The following MAGOHB variants were observed in gnomAD, a reference collection of about 807,000 sequenced individuals.
MAGOHB encodes mago homolog B, exon junction complex subunit, also known as protein mago nashi homolog 2.
In MAGOHB, 15 loss-of-function variants were observed where a neutral mutation model predicts 20.9. That is an observed-to-expected ratio of 0.72 (90% confidence interval 0.48 to 1.11). MAGOHB has a LOEUF of 1.11. Among genes scored for constraint, MAGOHB ranks in the 50% least tolerant of loss-of-function variants. The pLI is 0.00. For missense variants in MAGOHB, 162 were observed against 177.6 expected (o/e 0.91, Z 0.50); for synonymous variants, 50 against 57.9 (o/e 0.86, Z 0.62).
chr12:10,611,503 T>C (rs1036329349), intron 1 of MAGOHB, among the ~76,000 whole-genome samples: 2 of 151,340 alleles, frequency 1.3e-5, no homozygotes, highest in African/African-American at 4.9e-5. Context: ...TCCCAGCAAT[T>C]TGGGAGGCTG....
At chr12:10,612,815 CTCA>C in intron 1 of MAGOHB, 1 of 1,288,366 alleles carries the variant, frequency 7.8e-7, no homozygotes. Flanking sequence ...GCAGTTTCAC[CTCA>C]TCCTCTGCTC....
intron 1 of MAGOHB, chr12:10,612,883 G>A (rs1281766739): frequency 7.8e-7 from 1 of 1,289,066 alleles, no homozygotes; most frequent in Admixed American, 2.3e-5. Flanking sequence ...CTCATTTCGA[G>A]ACTCATCTCA....
intron 1 of MAGOHB, 61 bp downstream of exon 1, chr12:10,613,378 C>T: frequency 6.8e-7 from 1 of 1,462,814 alleles, no homozygotes; most frequent in South Asian, 1.1e-5. Flanking sequence ...CCCTCCACAC[C>T]ACCCGGCCTC....
At chr12:10,608,592 GAACT>G (rs1865669817) in intron 3 of MAGOHB, 1 of 100,788 alleles carries the variant, frequency 9.9e-6, no homozygotes, top group African/African-American at 3.8e-5. Flanking sequence ...CTAAAATTAA[GAACT>G]AGTAAAAAAA....
rs370232338 is a variant in MAGOHB, at chr12:10,607,028, C to A, written c.348-654G>T. Among the ~76,000 whole-genome samples the A allele has an allele frequency of 6.6e-5, 10 of 152,128 alleles. No individual in the cohort carries two copies. In the South Asian group the frequency reaches 1.5e-3, roughly 22 times the overall value. ...CAAAAACCATTACCAATTTATAATC[C>A]CAGTAGGGTATCAATGCCACACCCT... On this transcript the variant is annotated intron_variant, in intron 4 of 4. Transcript: ENST00000320756.
At chr12:10,602,120 A>C (rs1181572186), downstream of MAGOHB, among the ~76,000 whole-genome samples, 4 of 152,234 alleles carry the variant, frequency 2.6e-5, no homozygotes, top group Admixed American at 6.5e-5. Flanking sequence ...GCTGGGGAGA[A>C]GGTGAATAGT....
In MAGOHB at chr12:10,611,751, A is replaced by C. The variant is rs867393031; in HGVS notation, c.95-1071T>G. ...CGACAGAGCAAGACTCTGTCTCAAA[A>C]AAAAAAAAAAAAAAAAAAAAAAAAG... is the stretch of plus-strand genomic sequence containing the variant. On this transcript the variant is annotated intron_variant, in intron 1 of 4. Coordinates refer to ENST00000320756, the MANE Select transcript of MAGOHB (RefSeq NM_018048.5). Among the ~76,000 whole-genome samples, 233 of 142,626 alleles carry C rather than the reference A, an allele frequency of 1.6e-3. 2 individuals are homozygous for C. The highest frequency in any genetic ancestry group is 5.7e-3 in the African/African-American group (220 of 38,298). 93.6% of individuals were successfully genotyped at this position (142,626 alleles called of 152,430 possible). A position where few individuals can be genotyped will look rare whatever the true frequency, so the allele number is the denominator to read the frequency against.
At chr12:10,613,079 G>A in intron 1 of MAGOHB, 2 of 615,862 alleles carry the variant, frequency 3.2e-6, no homozygotes, top group South Asian at 1.9e-5. Flanking sequence ...CAGCCTAAAT[G>A]AAAAAAAGGT....
chr12:10,609,886 T>A lies in MAGOHB; in HGVS notation c.209A>T (p.Glu70Val). Residue 70 changes from glutamate to valine, a missense_variant, in exon 3 of 5, where the codon GAA (glutamate) becomes GTA (valine). Glu to Val is a moderately radical substitution (Grantham distance 121). Transcript: ENST00000320756. ...EELKRIIDDS[E>V]ITKEDDALWP... is the part of the protein sequence containing the mutation. ...CAAAGCATCATCTTCTTTTGTAATT[T>A]CACTGTCATCAATAATTCTCTTCAG... The A allele has an allele frequency of 6.2e-7, 1 of 1,613,150 alleles. No individual in the cohort carries two copies. The highest frequency in any genetic ancestry group is 8.5e-7 in the Non-Finnish European group (1 of 1,179,616).
At chr12:10,608,133 AC>A in intron 3 of MAGOHB, 197 bp from the exon 4 acceptor site, 1 of 411,824 alleles carries the variant, frequency 2.4e-6, no homozygotes. Context: ...CACGCGCACT[AC>A]CCCCAAGTTT....
chr12:10,613,548 G>A lies in MAGOHB; in HGVS notation c.-16C>T. The A allele has an allele frequency of 1.9e-6, 3 of 1,596,010 alleles. No individual in the cohort carries two copies. The highest frequency in any genetic ancestry group is 2.2e-5 in the East Asian group (1 of 44,764). On this transcript the variant is annotated 5_prime_UTR_variant, in exon 1 of 5. Coordinates refer to ENST00000320756, the MANE Select transcript of MAGOHB (RefSeq NM_018048.5). The stretch of plus-strand genomic sequence containing the variant: ...CCACAGCCATTTTTGTACCCGGGAA[G>A]CCCGCCGAAAACGCAGCCAACGTGT...
rs1170820953 is a variant in MAGOHB, at chr12:10,612,727, T to C, written c.94+712A>G. 9 of 1,162,708 alleles carry C rather than the reference T, an allele frequency of 7.7e-6. No homozygotes were observed. The Admixed American group carries it at 1.9e-4, about 25-fold the overall frequency. The allele number at this position is 1,162,708 out of a possible 1,614,324, so 72.0% of individuals were successfully genotyped here. On this transcript the variant is annotated intron_variant, in intron 1 of 4. Coordinates refer to ENST00000320756, the MANE Select transcript of MAGOHB (RefSeq NM_018048.5). Reference sequence around the variant, plus strand: ...TATATATCCAAATGAACTTTCTTGTTGCAGGTAGGCAAGATCAATGTAACA... The same window carrying C: ...TATATATCCAAATGAACTTTCTTGTCGCAGGTAGGCAAGATCAATGTAACA...
At chr12:10,604,171 A>ACTCATCCCAAT (rs1483677403), downstream of MAGOHB, 2 of 152,340 alleles carry the variant, frequency 1.3e-5, no homozygotes, top group African/African-American at 4.8e-5. Context: ...TGAGGTGCAG[A>ACTCATCCCAAT]CAGTACTTGG....
intron 4 of MAGOHB, 56 bp downstream of exon 4, chr12:10,607,798 C>G: frequency 1.0e-6 from 1 of 953,792 alleles, no homozygotes; most frequent in Non-Finnish European, 1.7e-6. Context: ...GACTATAGTT[C>G]TAAAATGAGC....
chr12:10,613,306 T>C (rs1865784455), intron 1 of MAGOHB, 133 bp downstream of exon 1: 1 of 760,624 alleles, frequency 1.3e-6, no homozygotes, highest in Non-Finnish European at 2.3e-6. Context: ...AACCAACTTA[T>C]GCCTCCTCTA....
rs1443441144 is a variant in MAGOHB at position 10,606,435 on chromosome 12, C to A, written c.348-61G>T. On this transcript the variant is annotated intron_variant, in intron 4 of 4. Transcript: ENST00000320756. ...CTAGGATAAAACAATTCTTTAAATG[C>A]CTAAAACAAAACAAATCAAAATCTC... The A allele has an allele frequency of 5.0e-6, 4 of 803,940 alleles. No homozygotes were observed. The African/African-American group carries it at 5.4e-5, about 11-fold the overall frequency. 49.8% of individuals were successfully genotyped at this position (803,940 alleles called of 1,614,324 possible). A position where few individuals can be genotyped will look rare whatever the true frequency, so the allele number is the denominator to read the frequency against.
At chr12:10,610,158 C>T (rs10845181) in intron 2 of MAGOHB, among the ~76,000 whole-genome samples, 59,793 of 152,024 alleles carry the variant, frequency 0.39, 13,130 homozygotes, top group Non-Finnish European at 0.51. Context: ...CTCTTCTCAT[C>T]ATTACCTGTC....
chr12:10,603,080 G>A (rs76091393), downstream of MAGOHB, among the ~76,000 whole-genome samples: 1 of 152,052 alleles, frequency 6.6e-6, no homozygotes, highest in Non-Finnish European at 1.5e-5. Context: ...ATAAAACGAG[G>A]CCGAAGCAGG....
Position 10,610,577 on chromosome 12 carries a change from CAAAAAA to C in MAGOHB, c.153+39_153+44del, listed in dbSNP as rs541042923. 868 of 726,182 alleles carry C rather than the reference CAAAAAA, an allele frequency of 1.2e-3. 1 individual carries two copies. Among genetic ancestry groups the C allele is most frequent in the Middle Eastern group, 1.9e-3 (4 of 2,102 alleles). 45.0% of individuals were successfully genotyped at this position (726,182 alleles called of 1,614,324 possible). On this transcript the variant is annotated intron_variant, in intron 2 of 4. Coordinates refer to ENST00000320756, the MANE Select transcript of MAGOHB (RefSeq NM_018048.5). Reference sequence around the variant, plus strand: ...AGACTTGAAGAAAATGGGCTAAATGCAAAAAAAAAAAAAAAAAAAAAAAAGACATTC... The same window carrying C: ...AGACTTGAAGAAAATGGGCTAAATGCAAAAAAAAAAAAAAAAAAGACATTC...
Sources: gnomAD v4.1 joint callset for allele counts (sites outside exome capture counted in the v4.1 genomes callset) on GRCh38, gnomAD v4.1.1 for gene constraint, MANE v1.5 for transcripts, NCBI Gene and HGNC (gene_info 2026-07-23, HGNC 2026-07-21) for gene names.